The following VPS8 variants were observed in gnomAD, a reference collection of about 807,000 sequenced individuals.
VPS8 encodes the protein vacuolar protein sorting-associated protein 8 homolog.
In VPS8, 129 loss-of-function variants were observed where a neutral mutation model predicts 216.4. The ratio of observed to expected loss-of-function variants is 0.60; its 90% CI spans 0.52 to 0.69. The LOEUF (loss-of-function observed/expected upper bound fraction) is 0.69. Ranked by LOEUF, VPS8 falls within the 30% of genes least tolerant of loss-of-function variation. The pLI is 0.00. For missense variants in VPS8, 1,531 were observed against 1,683.5 expected, an observed-to-expected ratio of 0.91 and a Z score of 1.59; for synonymous variants, 571 against 565.4, an observed-to-expected ratio of 1.01 and a Z score of -0.14.
chr3:185,023,175 A>C (rs916931063), intron 45 of VPS8, among the ~76,000 whole-genome samples: 4 of 152,238 alleles, frequency 2.6e-5, no homozygotes, highest in African/African-American at 9.6e-5. Flanking sequence ...ATTAAACAGT[A>C]GATTAGTTTG....
intron 46 of VPS8, among the ~76,000 whole-genome samples, chr3:185,043,037 A>G (rs1712036120): frequency 6.6e-6 from 1 of 152,180 alleles, no homozygotes. Context: ...TGCTAACCTT[A>G]TGATGGCACC....
At chr3:184,849,892 A>C in intron 9 of VPS8, 44 bp from the exon 10 acceptor site, 1 of 1,499,860 alleles carries the variant, frequency 6.7e-7, no homozygotes, top group Non-Finnish European at 9.3e-7. Context: ...AAGTCCAAAA[A>C]AAGAGCAATA....
intron 30 of VPS8, 47 bp downstream of exon 30, chr3:184,925,028 C>G: frequency 6.4e-7 from 1 of 1,568,290 alleles, no homozygotes; most frequent in Non-Finnish European, 8.6e-7. Flanking sequence ...CTGTTTACTG[C>G]GCACAGTTCC....
intron 39 of VPS8, among the ~76,000 whole-genome samples, chr3:184,971,202 T>C (rs1029571614): frequency 2.0e-5 from 3 of 152,184 alleles, no homozygotes; most frequent in Non-Finnish European, 4.4e-5. Flanking sequence ...TTGAAAGTTA[T>C]GAACAAAGAT....
At chr3:184,953,399 G>C (rs945624698) in intron 36 of VPS8, among the ~76,000 whole-genome samples, 1 of 152,216 alleles carries the variant, frequency 6.6e-6, no homozygotes. Context: ...GGTGGATTCA[G>C]AGATTCTTTG....
intron 40 of VPS8, among the ~76,000 whole-genome samples, chr3:184,976,623 CTTCCTTCTTATA>C (rs1749311789): frequency 6.6e-6 from 1 of 152,010 alleles, no homozygotes; most frequent in African/African-American, 2.4e-5. Flanking sequence ...TATCCCCCTC[CTTCCTTCTTATA>C]TTCCCCAGTG....
chr3:185,024,321 G>A lies in VPS8; in HGVS notation c.4003-15G>A, dbSNP rs1373352943. ...TAACTGAAAGGGTATTAAAATGTTT[G>A]CCTTTTTTTTCCAGGTAAAAATGTC... On this transcript the variant is annotated splice_polypyrimidine_tract_variant and intron_variant, in intron 45 of 47. Coordinates refer to ENST00000625842, the MANE Select transcript of VPS8 (RefSeq NM_001009921.3). 2.5e-6 allele frequency: 4 copies of A among 1,576,464 alleles called. No homozygotes were observed. The African/African-American group carries it at 4.0e-5, about 16-fold the overall frequency.
chr3:184,882,188 G>A (rs1016029220), intron 21 of VPS8, among the ~76,000 whole-genome samples: 1 of 152,048 alleles, frequency 6.6e-6, no homozygotes, highest in South Asian at 2.1e-4. Flanking sequence ...TCACTATGAA[G>A]TATAATATTA....
Position 184,926,282 on chromosome 3 carries a change from C to T in VPS8, c.2575-312C>T, listed in dbSNP as rs990378532. 3.3e-5 allele frequency among the ~76,000 whole-genome samples: 5 copies of T among 151,824 alleles called. No individual in the cohort carries two copies. In the South Asian group the frequency reaches 8.4e-4, roughly 25 times the overall value. Reference sequence around the variant, plus strand: ...GTCCCAGCTACTCGGGAGGCTGAGGCAGGAGAATCACTTGAACCCGGGAGG... The same window carrying T: ...GTCCCAGCTACTCGGGAGGCTGAGGTAGGAGAATCACTTGAACCCGGGAGG... On this transcript the variant is annotated intron_variant, in intron 30 of 47. Coordinates refer to ENST00000625842, the MANE Select transcript of VPS8 (RefSeq NM_001009921.3).
chr3:185,046,016 T>C (rs969386482), intron 46 of VPS8, among the ~76,000 whole-genome samples: 1 of 152,220 alleles, frequency 6.6e-6, no homozygotes, highest in Non-Finnish European at 1.5e-5. Flanking sequence ...CCACTGTTTC[T>C]TCCTCTCGTA....
At chr3:184,882,746 G>A (rs1201180707) in intron 21 of VPS8, among the ~76,000 whole-genome samples, 1 of 152,038 alleles carries the variant, frequency 6.6e-6, no homozygotes, top group African/African-American at 2.4e-5. Flanking sequence ...AATAACTATA[G>A]GGGTATTCAA....
At chr3:184,869,345 T>G (rs1727928931) in intron 19 of VPS8, 137 bp from the exon 20 acceptor site, 2 of 867,114 alleles carry the variant, frequency 2.3e-6, no homozygotes, top group African/African-American at 1.7e-5. Flanking sequence ...TGGTGTATTA[T>G]CCAACATTTT....
chr3:184,844,858 T>G (rs1470239632), intron 8 of VPS8, among the ~76,000 whole-genome samples: 1 of 152,238 alleles, frequency 6.6e-6, no homozygotes, highest in African/African-American at 2.4e-5. Context: ...GCTATATTAC[T>G]GTCATAAACA....
intron 46 of VPS8, among the ~76,000 whole-genome samples, chr3:185,026,414 T>C (rs889909449): frequency 1.0e-4 from 15 of 148,684 alleles, no homozygotes; most frequent in Admixed American, 9.4e-4. Context: ...GTATTTCTTT[T>C]TTTTTTTTTT....
intron 22 of VPS8, among the ~76,000 whole-genome samples, 172 bp from the exon 23 acceptor site, chr3:184,894,531 T>TATATATATATATATATAC (rs1186136967): frequency 2.9e-4 from 29 of 98,964 alleles, no homozygotes; most frequent in Non-Finnish European, 3.9e-4. Flanking sequence ...TATATATATA[T>TATATATATATATATATAC]ACACACACAC....
In VPS8 at chr3:184,996,342, AAAC is replaced by A; in HGVS notation, c.3684_3686del (p.Thr1229del). 1 of 1,611,760 alleles carries A rather than the reference AAAC, an allele frequency of 6.2e-7. No homozygotes were observed. The highest frequency in any genetic ancestry group is 8.5e-7 in the Non-Finnish European group (1 of 1,179,002). ...TTTGGTGTTTCATAGACCCTGCTGG[AAAC>A]AACAACCAGCCTTCTAAACCAAGAT... is the stretch of plus-strand genomic sequence containing the variant. On this transcript the variant is annotated inframe_deletion, in exon 44 of 48. Coordinates refer to ENST00000625842, the MANE Select transcript of VPS8 (RefSeq NM_001009921.3).
chr3:185,046,735 T>A (rs1217229795), intron 46 of VPS8, among the ~76,000 whole-genome samples: 1 of 152,220 alleles, frequency 6.6e-6, no homozygotes, highest in Non-Finnish European at 1.5e-5. Flanking sequence ...AGTAGAGTTT[T>A]ACAGATAAAG....
chr3:184,821,230 A>G (rs890379661), intron 1 of VPS8, among the ~76,000 whole-genome samples: 1 of 152,196 alleles, frequency 6.6e-6, no homozygotes, highest in Non-Finnish European at 1.5e-5. Flanking sequence ...GAAAGGGGGA[A>G]GTTGGGAGAG....
intron 1 of VPS8, chr3:184,813,933 C>T (rs1715739609): frequency 6.6e-6 from 1 of 152,226 alleles, no homozygotes; most frequent in Non-Finnish European, 1.5e-5. Context: ...TCTTGATCCA[C>T]AGCTGTAGGT....
Sources: gnomAD v4.1 joint callset for allele counts (sites outside exome capture counted in the v4.1 genomes callset) on GRCh38, gnomAD v4.1.1 for gene constraint, MANE v1.5 for transcripts, NCBI Gene and HGNC (gene_info 2026-07-23, HGNC 2026-07-21) for gene names.